Variants in PRKAG2 observed in about 807,000 individuals in gnomAD.
The protein encoded by PRKAG2 is protein kinase AMP-activated non-catalytic subunit gamma 2.
A neutral mutation model predicts 69.6 loss-of-function variants in PRKAG2; 26 were observed. The observed-to-expected ratio is 0.37, with a 90% CI of 0.27 to 0.52. PRKAG2 has a LOEUF of 0.52. Ranked by LOEUF, PRKAG2 falls within the 20% of genes least tolerant of loss-of-function variation. The pLI is 0.90. For missense variants in PRKAG2, 557 were observed against 740.0 expected (o/e 0.75, Z 2.87); for synonymous variants, 293 against 285.0 (o/e 1.03, Z -0.28).
At chr7:151,683,244 G>A (rs1196705124) in intron 3 of PRKAG2, among the ~76,000 whole-genome samples, 2 of 152,110 alleles carry the variant, frequency 1.3e-5, no homozygotes, top group Admixed American at 6.5e-5. Flanking sequence ...AGGCGCTGGA[G>A]AGGAGGAGGA....
intron 3 of PRKAG2, among the ~76,000 whole-genome samples, chr7:151,754,520 G>C (rs2074937245): frequency 6.6e-6 from 1 of 152,200 alleles, no homozygotes; most frequent in Non-Finnish European, 1.5e-5. Flanking sequence ...CCAGCACTGG[G>C]GCTTAGGGGC....
At chr7:151,613,014 T>C (rs1339335082) in intron 5 of PRKAG2, among the ~76,000 whole-genome samples, 1 of 152,040 alleles carries the variant, frequency 6.6e-6, no homozygotes, top group Non-Finnish European at 1.5e-5. Context: ...GACCCCAGAA[T>C]ACGGGAGCCC....
At chr7:151,700,514 G>C (rs2151565488) in intron 3 of PRKAG2, among the ~76,000 whole-genome samples, 1 of 152,314 alleles carries the variant, frequency 6.6e-6, no homozygotes, top group East Asian at 1.9e-4. Context: ...TTTTAACGCA[G>C]GCTTGTGAAT....
chr7:151,658,051 A>G (rs573643577), intron 4 of PRKAG2, among the ~76,000 whole-genome samples: 41 of 151,990 alleles, frequency 2.7e-4, no homozygotes, highest in African/African-American at 9.2e-4. Flanking sequence ...CCACCTACTC[A>G]GGAGGCTGAG....
rs147343042 is a variant in PRKAG2 at position 151,736,662 on chromosome 7, C to A, written c.466+44490G>T. On this transcript the variant is annotated intron_variant, in intron 3 of 15. Transcript: ENST00000287878. ...TGCCGGGTGGAGAAGCCACACAAGT[C>A]CCTGGGCTGGAAATTGCTGAATCTA... 1.4e-3 allele frequency among the ~76,000 whole-genome samples: 210 copies of A among 152,294 alleles called. 5 individuals carry two copies. The East Asian group carries it at 0.038, about 28-fold the overall frequency.
At chr7:151,857,487 G>A (rs964871313) in intron 1 of PRKAG2, among the ~76,000 whole-genome samples, 2 of 151,620 alleles carry the variant, frequency 1.3e-5, no homozygotes, top group African/African-American at 2.4e-5. Context: ...TCCTCTCCAC[G>A]CATTTTCTCG....
intron 3 of PRKAG2, among the ~76,000 whole-genome samples, chr7:151,736,820 A>T (rs1367393978): frequency 6.6e-6 from 1 of 152,210 alleles, no homozygotes; most frequent in Non-Finnish European, 1.5e-5. Flanking sequence ...TGAGAATTGC[A>T]GCATGACAGA....
rs2079026413 is a variant in PRKAG2, at chr7:151,831,590, T to C, written c.114+44917A>G. 2.0e-5 allele frequency among the ~76,000 whole-genome samples: 3 copies of C among 152,240 alleles called. No homozygotes were observed. The South Asian group carries it at 6.2e-4, about 32-fold the overall frequency. On this transcript the variant is annotated intron_variant, in intron 1 of 15. Coordinates refer to ENST00000287878, the MANE Select transcript of PRKAG2 (RefSeq NM_016203.4). Reference sequence around the variant, plus strand: ...TTAATGGCTATGGTCAGCGGAGTTCTGGGCCAATCCTTACAGCAGGTTTAG... The same window carrying C: ...TTAATGGCTATGGTCAGCGGAGTTCCGGGCCAATCCTTACAGCAGGTTTAG...
chr7:151,856,381 C>T (rs1393826258), intron 1 of PRKAG2, among the ~76,000 whole-genome samples: 2 of 152,346 alleles, frequency 1.3e-5, no homozygotes, highest in South Asian at 4.1e-4. Flanking sequence ...GGAGTGGCCC[C>T]GAGGCGGGCC....
chr7:151,691,767 T>C (rs1336919227), intron 3 of PRKAG2, among the ~76,000 whole-genome samples: 2 of 152,238 alleles, frequency 1.3e-5, no homozygotes, highest in Non-Finnish European at 2.9e-5. Context: ...CAGTTTCTTC[T>C]GTAGTTAAAC....
intron 6 of PRKAG2, among the ~76,000 whole-genome samples, chr7:151,589,729 T>A (rs976864951): frequency 6.6e-6 from 1 of 151,482 alleles, no homozygotes; most frequent in Non-Finnish European, 1.5e-5. Flanking sequence ...AGGCCAGGAG[T>A]TTCAGGCCAG....
chr7:151,676,647 T>C (rs1832991327), intron 3 of PRKAG2, among the ~76,000 whole-genome samples: 1 of 152,206 alleles, frequency 6.6e-6, no homozygotes, highest in African/African-American at 2.4e-5. Context: ...ATGGTGCTTT[T>C]GAAAGCAGAG....
At chr7:151,868,030 G>A (rs997952799) in intron 1 of PRKAG2, among the ~76,000 whole-genome samples, 1 of 152,122 alleles carries the variant, frequency 6.6e-6, no homozygotes, top group African/African-American at 2.4e-5. Flanking sequence ...CTGGGGTTAC[G>A]GAGCAAACTG....
At chr7:151,784,318 G>A (rs920722112) in intron 2 of PRKAG2, among the ~76,000 whole-genome samples, 3 of 152,198 alleles carry the variant, frequency 2.0e-5, no homozygotes, top group Non-Finnish European at 2.9e-5. Context: ...CTGGGGAGCC[G>A]GGGGAGAGGG....
chr7:151,803,160 GT>G (rs1364639971), intron 1 of PRKAG2, among the ~76,000 whole-genome samples: 3 of 151,924 alleles, frequency 2.0e-5, no homozygotes, highest in Non-Finnish European at 4.4e-5. Flanking sequence ...GTTTCACCAT[GT>G]TGGCCAGGTT....
At chr7:151,746,636 C>G (rs1383252793) in intron 3 of PRKAG2, among the ~76,000 whole-genome samples, 1 of 152,228 alleles carries the variant, frequency 6.6e-6, no homozygotes, top group African/African-American at 2.4e-5. Flanking sequence ...ACAAGGTGCC[C>G]GAAAGGACCT....
intron 3 of PRKAG2, among the ~76,000 whole-genome samples, chr7:151,760,564 C>G (rs2075353317): frequency 6.6e-6 from 1 of 152,324 alleles, no homozygotes; most frequent in East Asian, 1.9e-4. Flanking sequence ...AAGCTGGGGA[C>G]TGCCCTACAG....
chr7:151,579,823 T>C (rs1480588304), intron 6 of PRKAG2, among the ~76,000 whole-genome samples: 2 of 151,998 alleles, frequency 1.3e-5, no homozygotes, highest in African/African-American at 4.8e-5. Context: ...AAAAGACACA[T>C]TGGCTTTCAA....
intron 1 of PRKAG2, among the ~76,000 whole-genome samples, chr7:151,840,444 TG>T (rs2079249719): frequency 6.6e-6 from 1 of 152,186 alleles, no homozygotes; most frequent in South Asian, 2.1e-4. Context: ...CATAGCTGGG[TG>T]GGGCAATCAT....
Sources: gnomAD v4.1 joint callset for allele counts (sites outside exome capture counted in the v4.1 genomes callset) on GRCh38, gnomAD v4.1.1 for gene constraint, MANE v1.5 for transcripts, NCBI Gene and HGNC (gene_info 2026-07-23, HGNC 2026-07-21) for gene names.